Variants in HDAC9 observed in about 807,000 individuals in gnomAD.
The protein encoded by HDAC9 is histone deacetylase 9, also known as MEF-2 interacting transcription repressor (MITR) protein.
A neutral mutation model predicts 139.4 loss-of-function variants in HDAC9; 41 were observed. That is an observed-to-expected ratio of 0.29 (90% CI 0.23 to 0.38). HDAC9 has a LOEUF of 0.38. HDAC9 is among the 10% of genes least tolerant of loss of function. HDAC9 has a pLI of 1.00. For missense variants in HDAC9, 1,147 were observed against 1,297.0 expected, an observed-to-expected ratio of 0.88 and a Z score of 1.78; for synonymous variants, 517 against 476.2, an observed-to-expected ratio of 1.09 and a Z score of -1.12.
rs187654999 is a variant in HDAC9, at chr7:18,815,431, G to A, written c.2323-13730G>A. On this transcript the variant is annotated intron_variant, in intron 17 of 25. Coordinates refer to ENST00000686413, the MANE Select transcript of HDAC9 (RefSeq NM_178425.4). ...AGACCACATCCTGATGATTTCCCCC[G>A]TCACAACAAGACTTTCTTCATAGTG... 2.5e-3 allele frequency among the ~76,000 whole-genome samples: 373 copies of A among 152,166 alleles called. 1 individual carries two copies. Among genetic ancestry groups the A allele is most frequent in the African/African-American group, 8.4e-3 (348 of 41,528 alleles).
Position 18,829,396 on chromosome 7 carries a change from A to G in HDAC9, c.2379-65A>G, listed in dbSNP as rs1229881330. 29 of 1,309,712 alleles carry G rather than the reference A, an allele frequency of 2.2e-5. No individual in the cohort carries two copies. In the East Asian group the frequency reaches 5.8e-4, roughly 26 times the overall value. 81.1% of individuals were successfully genotyped at this position (1,309,712 alleles called of 1,614,324 possible). On this transcript the variant is annotated intron_variant, in intron 18 of 25. Coordinates refer to ENST00000686413, the MANE Select transcript of HDAC9 (RefSeq NM_178425.4). Reference sequence around the variant, plus strand: ...TAGCATTTAAAAAAATGCTCTGAACATTATTTATAATGGTTTTCCTGGATG... The same window carrying G: ...TAGCATTTAAAAAAATGCTCTGAACGTTATTTATAATGGTTTTCCTGGATG...
chr7:18,406,998 A>G (rs1388573270), intron 1 of HDAC9, among the ~76,000 whole-genome samples: 1 of 152,210 alleles, frequency 6.6e-6, no homozygotes, highest in African/African-American at 2.4e-5. Context: ...ATAGAAATAT[A>G]TAAACAATAT....
chr7:18,784,883 C>A (rs532917899), intron 16 of HDAC9, among the ~76,000 whole-genome samples: 30 of 151,934 alleles, frequency 2.0e-4, no homozygotes, highest in African/African-American at 7.2e-4. Context: ...GTAGTATGAA[C>A]CCAACATTCT....
At chr7:18,111,980 A>G (rs1176317632) in intron 1 of HDAC9, among the ~76,000 whole-genome samples, 2 of 152,062 alleles carry the variant, frequency 1.3e-5, no homozygotes, top group East Asian at 3.9e-4. Flanking sequence ...ATTTTCAGGA[A>G]TTATGCAAGC....
At chr7:18,590,553 A>G in intron 4 of HDAC9, 67 bp downstream of exon 4, 2 of 1,456,152 alleles carry the variant, frequency 1.4e-6, no homozygotes, top group Admixed American at 2.3e-5. Flanking sequence ...ATTCAGAACA[A>G]AGCCTGATAA....
At chr7:18,488,122 T>C (rs559722417) in intron 1 of HDAC9, among the ~76,000 whole-genome samples, 3 of 152,048 alleles carry the variant, frequency 2.0e-5, no homozygotes, top group Non-Finnish European at 2.9e-5. Flanking sequence ...ATTTTTTTAT[T>C]TTCATAGTCC....
intron 23 of HDAC9, among the ~76,000 whole-genome samples, chr7:18,942,537 A>G (rs1782094481): frequency 6.6e-6 from 1 of 152,114 alleles, no homozygotes; most frequent in Admixed American, 6.5e-5. Flanking sequence ...CAGCAACAAA[A>G]CAGCATTTTG....
At chr7:18,546,407 G>A (rs530212014) in intron 2 of HDAC9, among the ~76,000 whole-genome samples, 37 of 152,204 alleles carry the variant, frequency 2.4e-4, no homozygotes, top group Admixed American at 1.7e-3. Context: ...CTCGGAATAC[G>A]AACTCTCCAA....
At chr7:18,165,791 C>T (rs1247281218) in intron 2 of HDAC9, among the ~76,000 whole-genome samples, 36 of 147,458 alleles carry the variant, frequency 2.4e-4, no homozygotes, top group African/African-American at 9.2e-4. Context: ...AGAGCAAGAC[C>T]CTGTCTCAAA....
In HDAC9 at chr7:18,634,732, C is replaced by G; in HGVS notation, c.902C>G (p.Pro301Arg). The stretch of plus-strand genomic sequence containing the variant: ...GAGACTTCGGTTTTGCCCCCTACCC[C>G]TCATGCCGAGGTAAGACCCTTATTA... The part of the protein sequence containing the change: ...ENETSVLPPT[P>R]HAEQMVSQQR... The change falls in exon 8 of 26, where the codon CCT becomes CGT. Residue 301 changes from proline (P) to arginine (R), a missense_variant. Transcript: ENST00000686413. 1.3e-5 allele frequency: 21 copies of G among 1,589,126 alleles called. No individual in the cohort carries two copies. Among genetic ancestry groups the G allele is most frequent in the Non-Finnish European group, 1.8e-5 (21 of 1,165,318 alleles).
At chr7:18,864,220 CAT>C (rs2129237094) in intron 21 of HDAC9, among the ~76,000 whole-genome samples, 1 of 152,228 alleles carries the variant, frequency 6.6e-6, no homozygotes, top group African/African-American at 2.4e-5. Flanking sequence ...GGGATCCTGC[CAT>C]ATGTAACAAC....
chr7:18,889,735 T>C (rs927248645), intron 22 of HDAC9, among the ~76,000 whole-genome samples: 4 of 152,214 alleles, frequency 2.6e-5, no homozygotes, highest in Non-Finnish European at 4.4e-5. Flanking sequence ...TCTTGCTCTG[T>C]CACCCAGGCT....
At chr7:18,405,129 C>A (rs1290854587) in intron 1 of HDAC9, among the ~76,000 whole-genome samples, 3 of 152,156 alleles carry the variant, frequency 2.0e-5, no homozygotes, top group Non-Finnish European at 4.4e-5. Context: ...ATAGTGGCCC[C>A]CGGCAGGGAA....
rs1377768457 is a variant in HDAC9 at position 18,972,391 on chromosome 7, T to A, written c.3023-3415T>A. On this transcript the variant is annotated intron_variant, in intron 24 of 25. Transcript: ENST00000686413. ...TCTCTTTTTTTTTTTTTTTTTTTTT[T>A]TTTTTTTGAGATGGAGTCTTGCCCT... Among the ~76,000 whole-genome samples, 5 of 100,624 alleles carry A rather than the reference T, an allele frequency of 5.0e-5. No homozygotes were observed. The East Asian group carries it at 1.5e-3, about 30-fold the overall frequency. The allele number at this position is 100,624 out of a possible 152,430, so 66.0% of individuals were successfully genotyped here.
intron 12 of HDAC9, among the ~76,000 whole-genome samples, chr7:18,676,055 T>C (rs1198025785): frequency 2.0e-5 from 3 of 150,886 alleles, no homozygotes; most frequent in Non-Finnish European, 3.0e-5. Flanking sequence ...GGATAAGCTA[T>C]GTCTGTGCCC....
chr7:18,155,227 AG>A (rs1234737892), intron 1 of HDAC9, among the ~76,000 whole-genome samples: 1 of 151,922 alleles, frequency 6.6e-6, no homozygotes, highest in African/African-American at 2.4e-5. Context: ...TTGTCCAAGG[AG>A]GGGAGTTGCA....
At chr7:18,814,525 A>T (rs1282105846) in intron 17 of HDAC9, among the ~76,000 whole-genome samples, 1 of 152,134 alleles carries the variant, frequency 6.6e-6, no homozygotes, top group East Asian at 1.9e-4. Flanking sequence ...CACTTGGAGA[A>T]CATTAGTATT....
chr7:18,125,272 G>C (rs186867856), intron 1 of HDAC9, among the ~76,000 whole-genome samples: 32 of 152,182 alleles, frequency 2.1e-4, no homozygotes, highest in Admixed American at 2.0e-3. Context: ...GAAGATCAAG[G>C]ACTGGAGAGG....
intron 1 of HDAC9, among the ~76,000 whole-genome samples, chr7:18,473,312 T>G (rs1437777018): frequency 1.3e-5 from 2 of 152,192 alleles, no homozygotes; most frequent in African/African-American, 4.8e-5. Context: ...GATGAAACCT[T>G]AGCACCAGGC....
Sources: gnomAD v4.1 joint callset for allele counts (sites outside exome capture counted in the v4.1 genomes callset) on GRCh38, gnomAD v4.1.1 for gene constraint, MANE v1.5 for transcripts, NCBI Gene and HGNC (gene_info 2026-07-23, HGNC 2026-07-21) for gene names.